GRIK3: variants seen among roughly 807,000 people sequenced by gnomAD.
GRIK3 encodes the protein glutamate receptor ionotropic, kainate 3.
A neutral mutation model predicts 102.5 loss-of-function variants in GRIK3; 29 were observed. The observed-to-expected ratio is 0.28, with a 90% CI of 0.21 to 0.39. The LOEUF (loss-of-function observed/expected upper bound fraction) is 0.39, where lower values mean the gene tolerates loss of function less well. GRIK3 is among the 10% of genes least tolerant of loss of function. GRIK3 has a pLI of 1.00. For synonymous variants in GRIK3, 511 were observed against 504.9 expected (o/e 1.01, Z -0.16); for missense variants, 908 against 1,252.4 (o/e 0.73, Z 4.15).
intron 15 of GRIK3, among the ~76,000 whole-genome samples, chr1:36,803,673 C>T (rs987196620): frequency 6.6e-6 from 1 of 152,320 alleles, no homozygotes; most frequent in South Asian, 2.1e-4. Flanking sequence ...TCGTGATCCA[C>T]CCGACTCGGC....
In GRIK3 at chr1:36,880,692, G is replaced by A. The variant is rs761107716; in HGVS notation, c.492C>T (p.Leu164=). 9 of 1,614,114 alleles carry A rather than the reference G, an allele frequency of 5.6e-6. No individual in the cohort carries two copies. The highest frequency in any genetic ancestry group is 5.3e-5 in the African/African-American group (4 of 75,036). Reference sequence around the variant, plus strand: ...GCCACTTGAGGTACTGGACCAGGTCGAGGATGGCATGGCTGAGCGAGGCGT... The same window carrying A: ...GCCACTTGAGGTACTGGACCAGGTCAAGGATGGCATGGCTGAGCGAGGCGT... The part of the protein sequence containing the change: ...PDYASLSHAI[L]DLVQYLKWRS... Residue 164 remains leucine (L), a synonymous_variant, in exon 3 of 16, where the codon CTC becomes CTT. Transcript: ENST00000373091. This position sits in a 1 kb window ranked among gnomAD's most constrained non-coding sequence, Gnocchi z 5.4.
intron 9 of GRIK3, among the ~76,000 whole-genome samples, chr1:36,843,158 G>A (rs531206593): frequency 3.3e-5 from 5 of 152,310 alleles, no homozygotes; most frequent in East Asian, 1.9e-4. Flanking sequence ...GGAGAGAGGC[G>A]ATCCACTTCA....
intron 1 of GRIK3, among the ~76,000 whole-genome samples, chr1:37,030,915 G>T (rs1257758017): frequency 6.6e-6 from 1 of 152,136 alleles, no homozygotes; most frequent in Admixed American, 6.5e-5. Flanking sequence ...TGATTTGATG[G>T]AAATGGCCCA....
intron 1 of GRIK3, among the ~76,000 whole-genome samples, chr1:37,026,542 G>A (rs1000411174): frequency 6.6e-6 from 1 of 152,110 alleles, no homozygotes; most frequent in African/African-American, 2.4e-5. Flanking sequence ...ATTAAGCATC[G>A]GGCACTATGC....
Position 36,853,608 on chromosome 1 carries a change from C to A in GRIK3, c.1212+7G>T, listed in dbSNP as rs748485581. 6.9e-6 allele frequency: 11 copies of A among 1,588,824 alleles called. No individual in the cohort carries two copies. The South Asian group carries it at 1.2e-4, about 18-fold the overall frequency. ...CCGCCTGCCCTCCCTCTCCTGAGAC[C>A]ACGCACCTTCTCCAGGCCATCCTCT... On this transcript the variant is annotated splice_region_variant and intron_variant, in intron 8 of 15. Coordinates refer to ENST00000373091, the MANE Select transcript of GRIK3 (RefSeq NM_000831.4).
intron 1 of GRIK3, among the ~76,000 whole-genome samples, chr1:36,941,295 A>G (rs1185296331): frequency 6.6e-6 from 1 of 152,278 alleles, no homozygotes; most frequent in Admixed American, 6.5e-5. Flanking sequence ...GCTGGGCAGC[A>G]GCAGGCAGCC....
intron 1 of GRIK3, among the ~76,000 whole-genome samples, chr1:37,026,767 C>A (rs1326713928): frequency 1.3e-5 from 2 of 151,970 alleles, no homozygotes; most frequent in Non-Finnish European, 2.9e-5. Context: ...GACTCACGTT[C>A]AAAAATAGAT....
chr1:37,012,163 C>T (rs1367639948), intron 1 of GRIK3, among the ~76,000 whole-genome samples: 1 of 152,180 alleles, frequency 6.6e-6, no homozygotes, highest in Non-Finnish European at 1.5e-5. Flanking sequence ...GGAACGAGTG[C>T]CAGGGGGCCA....
chr1:36,854,158 G>A (rs1640620601), intron 7 of GRIK3, among the ~76,000 whole-genome samples: 1 of 152,180 alleles, frequency 6.6e-6, no homozygotes, highest in South Asian at 2.1e-4. Context: ...AGGCAGGGGA[G>A]ACCGAAATCA....
At chr1:36,843,906 G>A (rs796522524) in intron 9 of GRIK3, among the ~76,000 whole-genome samples, 5 of 152,378 alleles carry the variant, frequency 3.3e-5, no homozygotes, top group African/African-American at 9.6e-5. Flanking sequence ...TAACTATGGA[G>A]GTGCCTCATC....
At chr1:37,016,501 C>T (rs1350284009) in intron 1 of GRIK3, among the ~76,000 whole-genome samples, 26 of 152,208 alleles carry the variant, frequency 1.7e-4, no homozygotes, top group Admixed American at 1.7e-3. Context: ...TGGCTCAATG[C>T]CTGCAGGGCC....
chr1:36,926,865 A>G (rs1369959211), intron 1 of GRIK3, among the ~76,000 whole-genome samples: 2 of 152,214 alleles, frequency 1.3e-5, no homozygotes, highest in Non-Finnish European at 2.9e-5. Flanking sequence ...CAGGTAAGTA[A>G]GTGAGTCTGT....
At chr1:36,941,922 C>G (rs1029634269) in intron 1 of GRIK3, among the ~76,000 whole-genome samples, 1 of 152,206 alleles carries the variant, frequency 6.6e-6, no homozygotes, top group Non-Finnish European at 1.5e-5. Context: ...GCCTATCCCC[C>G]CCTCACCCTG....
At position 36,802,019 on chromosome 1, in the gene GRIK3, A is replaced by T. The variant is rs780333453; in HGVS notation, c.2592T>A (p.Asp864Glu). The T allele has an allele frequency of 1.2e-6, 2 of 1,612,286 alleles. No homozygotes were observed. The highest frequency in any genetic ancestry group is 1.3e-5 in the African/African-American group (1 of 75,030). Reference protein sequence around the residue: ...EQRSFCSTVADEIRFSLTCQR... With the variant: ...EQRSFCSTVAEEIRFSLTCQR... The stretch of plus-strand genomic sequence containing the variant: ...GGCAGGTAAGGGAGAAACGGATCTC[A>T]TCGGCCACGGTGCTGCAGAAGGAAC... The change falls in exon 16 of 16, where the codon GAT becomes GAA. Residue 864 changes from aspartate to glutamate, a missense_variant. This residue lies in a region of GRIK3 where 297 missense variants were observed against 362.7 expected (regional missense o/e 0.82). Transcript: ENST00000373091.
At chr1:36,890,147 G>A (rs1039433810) in intron 2 of GRIK3, among the ~76,000 whole-genome samples, 1 of 152,126 alleles carries the variant, frequency 6.6e-6, no homozygotes, top group African/African-American at 2.4e-5. Context: ...CTGCAGATCA[G>A]CTCTGAGATT....
At chr1:36,984,435 G>T (rs914312755) in intron 1 of GRIK3, among the ~76,000 whole-genome samples, 1 of 152,250 alleles carries the variant, frequency 6.6e-6, no homozygotes, top group Non-Finnish European at 1.5e-5. Context: ...GTCACTCAGG[G>T]CACCTGGCCC....
chr1:36,853,110 A>G (rs1234116463), intron 8 of GRIK3, among the ~76,000 whole-genome samples: 2 of 152,234 alleles, frequency 1.3e-5, no homozygotes, highest in Non-Finnish European at 2.9e-5. Context: ...TCCAAGGGAA[A>G]GAATCACCTT....
chr1:36,869,736 G>C lies in GRIK3; in HGVS notation c.786+12C>G. The C allele has an allele frequency of 6.3e-7, 1 of 1,596,034 alleles. No individual in the cohort carries two copies. Among genetic ancestry groups the C allele is most frequent in the Non-Finnish European group, 8.6e-7 (1 of 1,163,458 alleles). ...CACCCCTTTCCCGTGCCAGGACCCAGAGGTACATTACCAGAGTGGTGAAGA... is the reference window on the plus strand; with the variant it reads ...CACCCCTTTCCCGTGCCAGGACCCACAGGTACATTACCAGAGTGGTGAAGA... On this transcript the variant is annotated intron_variant, in intron 5 of 15. Transcript: ENST00000373091.
chr1:36,933,183 C>T (rs1437357006), intron 1 of GRIK3, among the ~76,000 whole-genome samples: 1 of 152,190 alleles, frequency 6.6e-6, no homozygotes, highest in African/African-American at 2.4e-5. Flanking sequence ...GCTACACGGG[C>T]CAGGTGACTA....
Sources: allele counts gnomAD v4.1 joint callset (sites outside exome capture counted in the v4.1 genomes callset), GRCh38; gene constraint gnomAD v4.1.1; regional missense constraint gnomAD v4.1.1; non-coding constraint Gnocchi (gnomAD v3.1); transcripts MANE v1.5; gene names NCBI Gene and HGNC (gene_info 2026-07-23, HGNC 2026-07-21).